AKAP9: variants seen among roughly 807,000 people sequenced by gnomAD.
AKAP9 encodes the protein A-kinase anchoring protein 9.
In AKAP9, 311 loss-of-function variants were observed where a neutral mutation model predicts 488.5. That is an observed-to-expected ratio of 0.64 (90% CI 0.58 to 0.70). AKAP9 has a LOEUF of 0.70. Ranked by LOEUF, AKAP9 falls within the 30% of genes least tolerant of loss-of-function variation. AKAP9 has a pLI of 0.00. For missense variants in AKAP9, 4,215 were observed against 4,374.5 expected (o/e 0.96, Z 1.03); for synonymous variants, 1,462 against 1,483.5 (o/e 0.99, Z 0.33).
At chr7:91,997,619 T>A (rs766367962) in intron 7 of AKAP9, among the ~76,000 whole-genome samples, 1 of 152,156 alleles carries the variant, frequency 6.6e-6, no homozygotes, top group Non-Finnish European at 1.5e-5. Context: ...AAAAATGGTG[T>A]AACTTGTCTA....
chr7:92,050,044 C>T lies in AKAP9; in HGVS notation c.5369-2682C>T, dbSNP rs1251821707. 2.0e-5 allele frequency among the ~76,000 whole-genome samples: 3 copies of T among 150,624 alleles called. No individual in the cohort carries two copies. In the East Asian group the frequency reaches 5.8e-4, roughly 29 times the overall value. ...AATTTTCTCACCTTTGTTCCCTGCT[C>T]AAGGTAAATTTCAGCAAACTTTTTT... On this transcript the variant is annotated intron_variant, in intron 21 of 49. Transcript: ENST00000356239.
intron 20 of AKAP9, among the ~76,000 whole-genome samples, chr7:92,043,750 TACTA>T (rs1260575286): frequency 6.6e-6 from 1 of 152,184 alleles, no homozygotes; most frequent in African/African-American, 2.4e-5. Flanking sequence ...ACTTGACAAA[TACTA>T]ACGGAAAACT....
intron 28 of AKAP9, among the ~76,000 whole-genome samples, chr7:92,072,841 C>T (rs796302948): frequency 6.6e-6 from 1 of 152,074 alleles, no homozygotes; most frequent in African/African-American, 2.4e-5. Flanking sequence ...ATTTAAATGC[C>T]CTTTTACCGT....
intron 14 of AKAP9, among the ~76,000 whole-genome samples, chr7:92,028,873 G>C (rs1803761861): frequency 6.6e-6 from 1 of 152,130 alleles, no homozygotes; most frequent in Admixed American, 6.5e-5. Context: ...CTGTATTATA[G>C]CATTGTTTGT....
intron 28 of AKAP9, among the ~76,000 whole-genome samples, chr7:92,073,286 G>A (rs143896616): frequency 0.01 from 1,590 of 151,866 alleles, 26 homozygotes; most frequent in African/African-American, 0.036. Flanking sequence ...TACTAGGTCA[G>A]GAGAGCGAGA....
At chr7:92,104,908 TATA>T (rs1210158065) in intron 46 of AKAP9, among the ~76,000 whole-genome samples, 1 of 152,156 alleles carries the variant, frequency 6.6e-6, no homozygotes, top group Non-Finnish European at 1.5e-5. Context: ...GAACTTAGAA[TATA>T]ATAAGTAAAT....
intron 21 of AKAP9, 98 bp downstream of exon 21, chr7:92,045,311 A>T: frequency 8.3e-7 from 1 of 1,199,924 alleles, no homozygotes; most frequent in East Asian, 2.4e-5. Context: ...GAAAATAAGT[A>T]TTTTCCAGCA....
chr7:92,039,321 A>T (rs767420270), intron 17 of AKAP9, among the ~76,000 whole-genome samples: 6 of 152,212 alleles, frequency 3.9e-5, no homozygotes, highest in Non-Finnish European at 5.9e-5. Flanking sequence ...AAGATGTTGT[A>T]CCTGGTAAAA....
intron 8 of AKAP9, among the ~76,000 whole-genome samples, chr7:92,007,048 A>G (rs2130684444): frequency 6.6e-6 from 1 of 152,162 alleles, no homozygotes; most frequent in Non-Finnish European, 1.5e-5. Flanking sequence ...CATGAATAAA[A>G]GGGGGGGAAT....
rs902616637 is a variant in AKAP9, at chr7:92,067,607, C to T, written c.6330+1061C>T. ...CCTCTTAACCAGTCTCCCTGCTTCT[C>T]CTTTTTCACCCCAACTGCCCATTTT... On this transcript the variant is annotated intron_variant, in intron 26 of 49. Transcript: ENST00000356239. Among the ~76,000 whole-genome samples the T allele has an allele frequency of 3.9e-5, 6 of 152,322 alleles. No homozygotes were observed. In the East Asian group the frequency reaches 7.7e-4, roughly 20 times the overall value.
intron 13 of AKAP9, 27 bp downstream of exon 13, chr7:92,022,379 T>A: frequency 6.8e-7 from 1 of 1,477,870 alleles, no homozygotes; most frequent in Non-Finnish European, 9.5e-7. Flanking sequence ...TACCACAATG[T>A]GGTGTTTTTA....
At chr7:92,042,578 C>T in intron 19 of AKAP9, 90 bp from the exon 20 acceptor site, 4 of 895,722 alleles carry the variant, frequency 4.5e-6, no homozygotes, top group Non-Finnish European at 7.2e-6. Flanking sequence ...TATTTTATCT[C>T]ATACCAATAT....
intron 24 of AKAP9, among the ~76,000 whole-genome samples, chr7:92,063,996 G>T (rs1810350524): frequency 6.6e-6 from 1 of 152,104 alleles, no homozygotes; most frequent in Non-Finnish European, 1.5e-5. Context: ...TGGCCAGGCT[G>T]GTCTCAATCT....
chr7:91,944,398 A>C (rs1278523660), intron 1 of AKAP9, among the ~76,000 whole-genome samples: 1 of 143,858 alleles, frequency 7.0e-6, no homozygotes, highest in Non-Finnish European at 1.5e-5. Flanking sequence ...TTCAAATGCC[A>C]TTTTTTTTTT....
At position 92,083,662 on chromosome 7, in the gene AKAP9, G is replaced by T. The variant is rs776864125; in HGVS notation, c.8646+7G>T. 4 of 1,609,414 alleles carry T rather than the reference G, an allele frequency of 2.5e-6. No individual in the cohort carries two copies. The Admixed American group carries it at 5.0e-5, about 20-fold the overall frequency. ...GTGTCTGAGAAGTAAAGAGGTATTT[G>T]GTTTTTATAATATGTGTTTTTCAAC... On this transcript the variant is annotated splice_region_variant and intron_variant, in intron 33 of 49. Transcript: ENST00000356239.
intron 1 of AKAP9, among the ~76,000 whole-genome samples, chr7:91,945,102 C>T (rs944905942): frequency 1.3e-4 from 20 of 152,118 alleles, no homozygotes; most frequent in Admixed American, 2.6e-4. Flanking sequence ...ATGGCTCACT[C>T]CTGTAATCCC....
At chr7:92,006,027 G>T (rs377677649) in intron 8 of AKAP9, among the ~76,000 whole-genome samples, 6 of 152,130 alleles carry the variant, frequency 3.9e-5, no homozygotes, top group African/African-American at 1.2e-4. Context: ...AAACCAAAAT[G>T]TATGGCAGTT....
chr7:91,961,017 A>G (rs899845915), intron 1 of AKAP9, among the ~76,000 whole-genome samples: 10 of 152,244 alleles, frequency 6.6e-5, no homozygotes, highest in Non-Finnish European at 1.3e-4. Context: ...GTTATTAAAT[A>G]ATAGTAGACT....
intron 17 of AKAP9, among the ~76,000 whole-genome samples, 172 bp downstream of exon 17, chr7:92,038,944 T>A (rs1234915007): frequency 2.0e-5 from 3 of 152,212 alleles, no homozygotes; most frequent in Admixed American, 1.3e-4. Context: ...TCTCACTCTG[T>A]CGCCAGGGTG....
Sources: allele counts gnomAD v4.1 joint callset (sites outside exome capture counted in the v4.1 genomes callset), GRCh38; gene constraint gnomAD v4.1.1; transcripts MANE v1.5; gene names NCBI Gene and HGNC (gene_info 2026-07-23, HGNC 2026-07-21).